TAS2R1: variants seen among roughly 807,000 people sequenced by gnomAD.
TAS2R1 encodes taste 2 receptor member 1.
For missense variants in TAS2R1, 370 were observed against 353.4 expected, an observed-to-expected ratio of 1.05 and a Z score of -0.38; for synonymous variants, 141 against 134.2, an observed-to-expected ratio of 1.05 and a Z score of -0.35.
the TAS2R1 span, among the ~76,000 whole-genome samples, chr5:9,898,448 C>G: frequency 6.6e-6 from 1 of 152,196 alleles, no homozygotes; most frequent in Admixed American, 6.5e-5. Flanking sequence ...CTTCCCTAAG[C>G]TAGGCCTATT....
At chr5:9,694,607 C>T (rs1331252910) in intron 1 of TAS2R1, among the ~76,000 whole-genome samples, 1 of 152,112 alleles carries the variant, frequency 6.6e-6, no homozygotes, top group East Asian at 1.9e-4. Context: ...TAATGAGTTT[C>T]TATGTCTGTT....
the TAS2R1 span, among the ~76,000 whole-genome samples, chr5:9,762,950 T>A: frequency 6.6e-6 from 1 of 152,196 alleles, no homozygotes; most frequent in Non-Finnish European, 1.5e-5. Context: ...CCCATAGGAT[T>A]CTTTTCTACA....
the TAS2R1 span, among the ~76,000 whole-genome samples, chr5:9,722,099 A>C: frequency 6.6e-6 from 1 of 152,160 alleles, no homozygotes; most frequent in African/African-American, 2.4e-5. Context: ...CCATTTTGTA[A>C]ACCTAAGGGT....
chr5:9,652,751 A>G (rs929520513), intron 2 of TAS2R1, among the ~76,000 whole-genome samples: 5 of 152,278 alleles, frequency 3.3e-5, no homozygotes, highest in Non-Finnish European at 7.4e-5. Flanking sequence ...TTACAATGCA[A>G]ATTTTTATAA....
At chr5:9,672,195 A>AT (rs1740780569) in intron 1 of TAS2R1, among the ~76,000 whole-genome samples, 1 of 152,208 alleles carries the variant, frequency 6.6e-6, no homozygotes, top group Non-Finnish European at 1.5e-5. Flanking sequence ...ACCCTTGAAG[A>AT]TAACCTAGGA....
chr5:9,821,220 G>A, the TAS2R1 span, among the ~76,000 whole-genome samples: 1 of 152,174 alleles, frequency 6.6e-6, no homozygotes, highest in African/African-American at 2.4e-5. Context: ...CTCTGCACAT[G>A]AAACAGCACC....
At chr5:9,766,424 A>G in the TAS2R1 span, among the ~76,000 whole-genome samples, 1 of 152,236 alleles carries the variant, frequency 6.6e-6, no homozygotes, top group Non-Finnish European at 1.5e-5. Flanking sequence ...AAACAAAACA[A>G]AAATGCTGGA....
Position 9,693,846 on chromosome 5 carries a change from T to C in TAS2R1, c.-242+18326A>G, listed in dbSNP as rs1176645342. ...CAGTTAGACTGGTTTTTATACAGTG[T>C]TGGTTGTTACATAGCAGTTTAAATA... On this transcript the variant is annotated intron_variant, in intron 1 of 2. Transcript: ENST00000506620. 2.0e-5 allele frequency among the ~76,000 whole-genome samples: 3 copies of C among 152,182 alleles called. No individual in the cohort carries two copies. The East Asian group carries it at 5.8e-4, about 29-fold the overall frequency.
chr5:9,691,268 C>G (rs916873441), intron 1 of TAS2R1, among the ~76,000 whole-genome samples: 7 of 152,228 alleles, frequency 4.6e-5, no homozygotes, highest in African/African-American at 1.7e-4. Context: ...AGTGATGCAG[C>G]CTTGGGCCAA....
the TAS2R1 span, among the ~76,000 whole-genome samples, chr5:9,865,301 T>C: frequency 6.6e-6 from 1 of 152,206 alleles, no homozygotes; most frequent in African/African-American, 2.4e-5. Flanking sequence ...ATGGGTCAAG[T>C]ATGATTTTGT....
chr5:9,719,350 G>A, the TAS2R1 span, among the ~76,000 whole-genome samples: 1 of 152,172 alleles, frequency 6.6e-6, no homozygotes, highest in Non-Finnish European at 1.5e-5. Context: ...GATGTTCTTT[G>A]TACTATTTTT....
At chr5:9,892,826 A>C in the TAS2R1 span, among the ~76,000 whole-genome samples, 2 of 152,314 alleles carry the variant, frequency 1.3e-5, no homozygotes, top group Non-Finnish European at 1.5e-5. Context: ...AAACAAAAAA[A>C]CAAAAAAGCA....
chr5:9,748,417 T>A, the TAS2R1 span, among the ~76,000 whole-genome samples: 1 of 152,186 alleles, frequency 6.6e-6, no homozygotes, highest in African/African-American at 2.4e-5. Context: ...CTTAGTCTAT[T>A]TACTGTAGCT....
the TAS2R1 span, among the ~76,000 whole-genome samples, chr5:9,719,286 TAAATG>T: frequency 1.3e-5 from 2 of 152,182 alleles, 1 homozygote; most frequent in Non-Finnish European, 2.9e-5. Flanking sequence ...TGAGAGAACA[TAAATG>T]ATAAATCAAA....
At chr5:9,688,940 C>G (rs933016430) in intron 1 of TAS2R1, among the ~76,000 whole-genome samples, 1 of 152,100 alleles carries the variant, frequency 6.6e-6, no homozygotes, top group Non-Finnish European at 1.5e-5. Flanking sequence ...CCAGAAATTG[C>G]CTAGTCAGAG....
the TAS2R1 span, among the ~76,000 whole-genome samples, chr5:9,785,246 G>A: frequency 6.6e-6 from 1 of 152,150 alleles, no homozygotes. Flanking sequence ...CACCTATGTA[G>A]GCAGATACTC....
intron 2 of TAS2R1, among the ~76,000 whole-genome samples, chr5:9,657,089 A>G (rs1740430670): frequency 1.3e-5 from 2 of 152,144 alleles, no homozygotes; most frequent in Non-Finnish European, 1.5e-5. Context: ...TTAATTTTAA[A>G]TATACAATAT....
Position 9,648,786 on chromosome 5 carries a change from T to C in TAS2R1, c.-81+10635A>G, listed in dbSNP as rs566348612. ...CGACCAGTGACCTTTTGGATACATA[T>C]GGACCTCAAGCCAAATACAGCCACA... On this transcript the variant is annotated intron_variant, in intron 2 of 2. Coordinates refer to the TAS2R1 transcript ENST00000506620. Among the ~76,000 whole-genome samples the C allele has an allele frequency of 1.5e-4, 23 of 152,214 alleles. 1 individual carries two copies. In the South Asian group the frequency reaches 4.8e-3, roughly 32 times the overall value.
the TAS2R1 span, among the ~76,000 whole-genome samples, chr5:9,742,979 T>C: frequency 3.3e-5 from 5 of 151,740 alleles, no homozygotes; most frequent in Admixed American, 6.6e-5. Context: ...GAATAACTGA[T>C]CCACATCCTT....
Sources: allele counts gnomAD v4.1 joint callset (sites outside exome capture counted in the v4.1 genomes callset), GRCh38; gene constraint gnomAD v4.1.1; transcripts MANE v1.5; gene names NCBI Gene and HGNC (gene_info 2026-07-23, HGNC 2026-07-21).